LRRC3B: variants seen among roughly 807,000 people sequenced by gnomAD.
LRRC3B encodes the protein leucine-rich repeat-containing protein 3B.
Under a neutral mutation model 12.8 loss-of-function variants are expected in LRRC3B, and 2 were observed. The observed-to-expected ratio is 0.16, with a 90% CI of 0.06 to 0.49. LRRC3B has a LOEUF of 0.49. LRRC3B is among the 20% of genes least tolerant of loss of function. LRRC3B has a pLI of 0.96. For synonymous variants in LRRC3B, 132 were observed against 122.0 expected, an observed-to-expected ratio of 1.08 and a Z score of -0.54; for missense variants, 189 against 319.4, an observed-to-expected ratio of 0.59 and a Z score of 3.11.
rs953058172 is a variant in LRRC3B, at chr3:26,637,588, G to A, written c.-161+14351G>A. Among the ~76,000 whole-genome samples the A allele has an allele frequency of 4.6e-5, 7 of 152,216 alleles. No individual in the cohort carries two copies. The South Asian group carries it at 6.2e-4, about 13-fold the overall frequency. On this transcript the variant is annotated intron_variant, in intron 1 of 1. Coordinates refer to ENST00000396641, the Ensembl canonical transcript of LRRC3B. ...ACACTTGTGGATTCTGTGGATAGCA[G>A]CCATCTCTAGTAATACGTGGATATT...
chr3:26,633,652 T>C (rs776462739), intron 1 of LRRC3B, among the ~76,000 whole-genome samples: 2 of 152,112 alleles, frequency 1.3e-5, no homozygotes, highest in Non-Finnish European at 2.9e-5. Context: ...TGATTACATA[T>C]ACCCACAAAA....
At position 26,646,657 on chromosome 3, in the gene LRRC3B, A is replaced by G. The variant is rs141206733; in HGVS notation, c.-161+23420A>G. Among the ~76,000 whole-genome samples, 249 of 150,496 alleles carry G rather than the reference A, an allele frequency of 1.7e-3. 1 individual carries two copies. In the East Asian group the frequency reaches 0.028, roughly 17 times the overall value. ...AAAAACGGATTTTAACATGCAGGCC[A>G]AAAATATGCCCCTCATGCAAAAATC... On this transcript the variant is annotated intron_variant, in intron 1 of 1. Coordinates refer to ENST00000396641, the Ensembl canonical transcript of LRRC3B.
intron 1 of LRRC3B, among the ~76,000 whole-genome samples, chr3:26,691,133 A>ATATATATATATATATATG (rs1559368596): frequency 7.0e-6 from 1 of 143,244 alleles, no homozygotes; most frequent in African/African-American, 2.5e-5. Context: ...ATATATATAT[A>ATATATATATATATATATG]TGAGACAGGA....
chr3:26,695,912 C>G (rs1251479673), intron 1 of LRRC3B, among the ~76,000 whole-genome samples: 1 of 152,226 alleles, frequency 6.6e-6, no homozygotes, highest in Non-Finnish European at 1.5e-5. Context: ...GTTACCTTCC[C>G]ATGGAACAGC....
intron 1 of LRRC3B, among the ~76,000 whole-genome samples, chr3:26,674,779 A>G (rs574967198): frequency 3.0e-4 from 45 of 152,186 alleles, no homozygotes; most frequent in African/African-American, 1.0e-3. Flanking sequence ...CTCTCTCCTA[A>G]TTTGCTCCAA....
At chr3:26,691,996 G>A (rs1336080328) in intron 1 of LRRC3B, among the ~76,000 whole-genome samples, 1 of 152,172 alleles carries the variant, frequency 6.6e-6, no homozygotes. Context: ...GAGAGCTGCA[G>A]AGAATCAACA....
In LRRC3B at chr3:26,649,786, C is replaced by A. The variant is rs114380174; in HGVS notation, c.-161+26549C>A. Reference sequence around the variant, plus strand: ...TTCCTTAGCCTGGCATCTAAGGCCACCCTATGGGCCCGTTCTTCTCCTAAG... The same window carrying A: ...TTCCTTAGCCTGGCATCTAAGGCCAACCTATGGGCCCGTTCTTCTCCTAAG... On this transcript the variant is annotated intron_variant, in intron 1 of 1. Transcript: ENST00000396641. Among the ~76,000 whole-genome samples the A allele has an allele frequency of 3.8e-3, 576 of 152,308 alleles. 3 individuals are homozygous for A. Among genetic ancestry groups the A allele is most frequent in the African/African-American group, 0.013 (550 of 41,556 alleles).
At position 26,634,142 on chromosome 3, in the gene LRRC3B, C is replaced by A. The variant is rs559650732; in HGVS notation, c.-161+10905C>A. Among the ~76,000 whole-genome samples the A allele has an allele frequency of 2.0e-5, 3 of 148,598 alleles. No individual in the cohort carries two copies. The East Asian group carries it at 6.5e-4, about 32-fold the overall frequency. ...ATTTTGAATATGATTCTGCCATTAG[C>A]TGTTGACCACAGGTGAGAGTTTCTT... On this transcript the variant is annotated intron_variant, in intron 1 of 1. Transcript: ENST00000396641.
At chr3:26,691,700 T>C (rs1388562254) in intron 1 of LRRC3B, among the ~76,000 whole-genome samples, 2 of 152,174 alleles carry the variant, frequency 1.3e-5, no homozygotes, top group Non-Finnish European at 2.9e-5. Context: ...ATGGTCAAAA[T>C]GAAATGGGGG....
At chr3:26,646,857 C>A (rs962762134) in intron 1 of LRRC3B, among the ~76,000 whole-genome samples, 4 of 152,066 alleles carry the variant, frequency 2.6e-5, no homozygotes, top group Non-Finnish European at 4.4e-5. Context: ...GTCAGGGAAC[C>A]TAATTTGAGT....
intron 1 of LRRC3B, among the ~76,000 whole-genome samples, chr3:26,675,946 T>C (rs1167329378): frequency 1.3e-5 from 2 of 151,838 alleles, no homozygotes; most frequent in Non-Finnish European, 2.9e-5. Flanking sequence ...CATTTCATTT[T>C]TTTTATAGTT....
At chr3:26,640,881 G>C (rs1699017116) in intron 1 of LRRC3B, among the ~76,000 whole-genome samples, 2 of 152,298 alleles carry the variant, frequency 1.3e-5, no homozygotes, top group African/African-American at 4.8e-5. Flanking sequence ...TGTTCTCCCA[G>C]ACAGCTAGAG....
intron 1 of LRRC3B, among the ~76,000 whole-genome samples, chr3:26,646,666 C>A (rs1233849987): frequency 6.9e-6 from 1 of 143,986 alleles, no homozygotes; most frequent in Non-Finnish European, 1.5e-5. Flanking sequence ...CAAAAATATG[C>A]CCCTCATGCA....
chr3:26,649,188 T>G (rs1575125915), intron 1 of LRRC3B, among the ~76,000 whole-genome samples: 1 of 152,350 alleles, frequency 6.6e-6, no homozygotes, highest in South Asian at 2.1e-4. Flanking sequence ...GTCATCTGAC[T>G]TAAGGCCAGG....
At chr3:26,648,824 T>C (rs1178192967) in intron 1 of LRRC3B, among the ~76,000 whole-genome samples, 2 of 152,214 alleles carry the variant, frequency 1.3e-5, no homozygotes, top group East Asian at 3.9e-4. Context: ...GAACTTGTAA[T>C]ATGGACTCTG....
At position 26,671,350 on chromosome 3, in the gene LRRC3B, G is replaced by GTATATATATA. The variant is rs1161960755; in HGVS notation, c.-160-38148_-160-38139dup. Among the ~76,000 whole-genome samples, 77 of 56,718 alleles carry GTATATATATA rather than the reference G, an allele frequency of 1.4e-3. 4 individuals carry two copies. Among genetic ancestry groups the GTATATATATA allele is most frequent in the African/African-American group, 2.7e-3 (33 of 12,042 alleles). 37.2% of individuals were successfully genotyped at this position (56,718 alleles called of 152,430 possible). Reference sequence around the variant, plus strand: ...TATAAATGTGTGTGTATATATGTGTGTATATATATATATATATATATATAG... The same window carrying GTATATATATA: ...TATAAATGTGTGTGTATATATGTGTGTATATATATATATATATATATATATATATATATAG... On this transcript the variant is annotated intron_variant, in intron 1 of 1. Coordinates refer to ENST00000396641, the Ensembl canonical transcript of LRRC3B.
intron 1 of LRRC3B, among the ~76,000 whole-genome samples, chr3:26,686,796 T>C (rs970574784): frequency 3.3e-5 from 5 of 151,828 alleles, no homozygotes; most frequent in African/African-American, 1.2e-4. Context: ...AAGGAGAAGA[T>C]AAGCTGTGAT....
intron 1 of LRRC3B, among the ~76,000 whole-genome samples, chr3:26,652,294 C>T (rs1275552470): frequency 1.3e-5 from 2 of 152,246 alleles, no homozygotes; most frequent in African/African-American, 4.8e-5. Flanking sequence ...CAGCTGGGGC[C>T]TGCGAAGCAG....
chr3:26,706,388 C>T (rs979524139), intron 1 of LRRC3B, among the ~76,000 whole-genome samples: 1 of 152,180 alleles, frequency 6.6e-6, no homozygotes, highest in South Asian at 2.1e-4. Flanking sequence ...GGGGTGATGG[C>T]TCTAGAGGCT....
Sources: gnomAD v4.1 joint callset for allele counts (sites outside exome capture counted in the v4.1 genomes callset) on GRCh38, gnomAD v4.1.1 for gene constraint, MANE v1.5 for transcripts, NCBI Gene and HGNC (gene_info 2026-07-23, HGNC 2026-07-21) for gene names.